The following FREM2 variants were observed in gnomAD, a reference collection of about 807,000 sequenced individuals.
FREM2 encodes FRAS1 related extracellular matrix 2.
In FREM2, 119 loss-of-function variants were observed where a neutral mutation model predicts 219.9. That is an observed-to-expected ratio of 0.54 (90% CI 0.47 to 0.63). The LOEUF (loss-of-function observed/expected upper bound fraction) is 0.63, where lower values mean the gene tolerates loss of function less well. Ranked by LOEUF, FREM2 falls within the 30% of genes least tolerant of loss-of-function variation. FREM2 has a pLI of 0.00. For synonymous variants in FREM2, 1,562 were observed against 1,522.8 expected, an observed-to-expected ratio of 1.03 and a Z score of -0.60; for missense variants, 4,030 against 3,993.6, an observed-to-expected ratio of 1.01 and a Z score of -0.25.
At chr13:38,698,848 G>A (rs575350573) in intron 2 of FREM2, among the ~76,000 whole-genome samples, 1 of 152,270 alleles carries the variant, frequency 6.6e-6, no homozygotes, top group Admixed American at 6.5e-5. Flanking sequence ...TGTTGAGTGT[G>A]TGCCAGAGAG....
At chr13:38,775,452 T>A (rs754580491) in intron 4 of FREM2, among the ~76,000 whole-genome samples, 15 of 152,226 alleles carry the variant, frequency 9.9e-5, no homozygotes, top group Non-Finnish European at 1.8e-4. Flanking sequence ...AAACAAAAAA[T>A]TTCAAACACT....
chr13:38,705,350 A>G (rs1279777813), intron 2 of FREM2, among the ~76,000 whole-genome samples: 1 of 152,204 alleles, frequency 6.6e-6, no homozygotes. Flanking sequence ...ATGGAGATGA[A>G]ATAGACTAGA....
Position 38,876,013 on chromosome 13 carries a change from C to T in FREM2, c.8282-9C>T, listed in dbSNP as rs371644607. On this transcript the variant is annotated splice_polypyrimidine_tract_variant and intron_variant, in intron 18 of 23. Transcript: ENST00000280481. ...TATATCATTATTATAATTACTGGCA[C>T]TTTCCTAGCATCCTTTACAAGCTCA... is the stretch of plus-strand genomic sequence containing the variant. 8 of 1,612,244 alleles carry T rather than the reference C, an allele frequency of 5.0e-6. No individual in the cohort carries two copies. Among genetic ancestry groups the T allele is most frequent in the African/African-American group, 4.0e-5 (3 of 74,856 alleles).
chr13:38,814,583 G>A (rs1327778507), intron 6 of FREM2, among the ~76,000 whole-genome samples: 3 of 152,126 alleles, frequency 2.0e-5, no homozygotes, highest in African/African-American at 7.2e-5. Flanking sequence ...CACCACTGTT[G>A]GAACTATGCT....
rs1464634487 is a variant in FREM2, at chr13:38,751,875, TG to T, written c.5264-12428del. On this transcript the variant is annotated intron_variant, in intron 2 of 23. Coordinates refer to ENST00000280481, the MANE Select transcript of FREM2 (RefSeq NM_207361.6). Reference sequence around the variant, plus strand: ...TTTTTGTACTTACTCTGTGTGTGTGTGTGTGTGTGTGTGTGTGTGTGTTTTC... The same window carrying T: ...TTTTTGTACTTACTCTGTGTGTGTGTTGTGTGTGTGTGTGTGTGTGTTTTC... 2.5e-4 allele frequency among the ~76,000 whole-genome samples: 37 copies of T among 149,970 alleles called. No individual in the cohort carries two copies. In the East Asian group the frequency reaches 7.3e-3, roughly 30 times the overall value.
At position 38,876,255 on chromosome 13, in the gene FREM2, A is replaced by T. The variant is rs372535694; in HGVS notation, c.8417A>T (p.Asp2806Val). The T allele has an allele frequency of 1.2e-6, 2 of 1,613,976 alleles. No individual in the cohort carries two copies. The highest frequency in any genetic ancestry group is 2.7e-5 in the African/African-American group (2 of 74,890). Reference sequence around the variant, plus strand: ...AATATCTTCTCCTCAAAGGTACGTGACTACTCAGGGACCTATACTGTGAAG... The same window carrying T: ...AATATCTTCTCCTCAAAGGTACGTGTCTACTCAGGGACCTATACTGTGAAG... ...WSFVSDFAVR[D>V]YSGTYTVKLV... Residue 2806 changes from aspartate to valine, a missense_variant, in exon 20 of 24, where the codon GAC (aspartate) becomes GTC (valine). This residue lies in a region of FREM2 where 928 missense variants were observed against 1,042.9 expected (regional missense o/e 0.89). Coordinates refer to ENST00000280481, the MANE Select transcript of FREM2 (RefSeq NM_207361.6).
chr13:38,867,885 T>A (rs1006114603), intron 16 of FREM2, among the ~76,000 whole-genome samples: 3 of 152,224 alleles, frequency 2.0e-5, no homozygotes, highest in African/African-American at 7.2e-5. Context: ...TTACATTGAG[T>A]GAGGATGGGT....
intron 3 of FREM2, 122 bp downstream of exon 3, chr13:38,764,572 TCTAA>T (rs1194036082): frequency 9.5e-6 from 6 of 632,356 alleles, no homozygotes; most frequent in African/African-American, 1.8e-5. Flanking sequence ...TTAAAAGTTC[TCTAA>T]CTGCTAAAGA....
chr13:38,696,678 G>A (rs969868205), intron 1 of FREM2, among the ~76,000 whole-genome samples: 8 of 152,218 alleles, frequency 5.3e-5, no homozygotes, highest in Admixed American at 5.2e-4. Context: ...CTGGTAAGAT[G>A]GATGAATAAG....
intron 3 of FREM2, among the ~76,000 whole-genome samples, chr13:38,767,021 G>A (rs1290993575): frequency 2.0e-5 from 3 of 152,220 alleles, no homozygotes; most frequent in African/African-American, 7.2e-5. Flanking sequence ...AGAGTACCAT[G>A]AGGTGAGGAA....
chr13:38,763,356 G>A lies in FREM2; in HGVS notation c.5264-948G>A, dbSNP rs542465324. On this transcript the variant is annotated intron_variant, in intron 2 of 23. Transcript: ENST00000280481. Reference sequence around the variant, plus strand: ...CCCTTGTGTAGATTTTTTTTTTGTCGTCTATTAAAGTTTTGAGATTTTCCT... The same window carrying A: ...CCCTTGTGTAGATTTTTTTTTTGTCATCTATTAAAGTTTTGAGATTTTCCT... Among the ~76,000 whole-genome samples the A allele has an allele frequency of 2.7e-4, 40 of 145,998 alleles. 1 individual carries two copies. In the South Asian group the frequency reaches 7.7e-3, roughly 28 times the overall value.
chr13:38,690,274 A>T lies in FREM2; in HGVS notation c.2930A>T (p.Asp977Val), dbSNP rs753520605. Residue 977 changes from aspartate (D) to valine (V), a missense_variant, in exon 1 of 24, where the codon GAT becomes GTT. Asp to Val is a radical substitution (Grantham distance 152). Around this residue, in one of 2 missense-constraint regions of FREM2, gnomAD observed 3,102 missense variants for 2,950.7 expected, o/e 1.05. Transcript: ENST00000280481. ...NVIKGTNEET[D>V]DLMLTFLLED... Reference sequence around the variant, plus strand: ...ATTAAGGGGACCAATGAGGAAACTGATGACTTGATGTTGACTTTCCTCTTG... The same window carrying T: ...ATTAAGGGGACCAATGAGGAAACTGTTGACTTGATGTTGACTTTCCTCTTG... 5.6e-5 allele frequency: 91 copies of T among 1,614,080 alleles called. No individual in the cohort carries two copies. Among genetic ancestry groups the T allele is most frequent in the Non-Finnish European group, 6.7e-5 (79 of 1,180,018 alleles).
Position 38,689,375 on chromosome 13 carries a change from C to T in FREM2, c.2031C>T (p.Asn677=). Reference sequence around the variant, plus strand: ...AGTTCACATTTAGAGTCCAGGATAACCATGACCCTCCTAATCAGTCCGGGC... The same window carrying T: ...AGTTCACATTTAGAGTCCAGGATAATCATGACCCTCCTAATCAGTCCGGGC... ...TDQFTFRVQD[N]HDPPNQSGLQ... Residue 677 remains asparagine, a synonymous_variant, in exon 1 of 24, where the codon AAC becomes AAT. Transcript: ENST00000280481. The T allele has an allele frequency of 1.2e-6, 2 of 1,614,074 alleles. No individual in the cohort carries two copies. Among genetic ancestry groups the T allele is most frequent in the Non-Finnish European group, 1.7e-6 (2 of 1,179,996 alleles).
chr13:38,796,362 C>T (rs1036436318), intron 6 of FREM2, among the ~76,000 whole-genome samples: 1 of 152,170 alleles, frequency 6.6e-6, no homozygotes, highest in African/African-American at 2.4e-5. Context: ...GGTATTGTGT[C>T]TTCATCCTAA....
rs79306379 is a variant in FREM2 at position 38,833,039 on chromosome 13, G to A, written c.6020-13534G>A. On this transcript the variant is annotated intron_variant, in intron 6 of 23. Coordinates refer to ENST00000280481, the MANE Select transcript of FREM2 (RefSeq NM_207361.6). Reference sequence around the variant, plus strand: ...GGGTGACAGAATGAGACTGTGTCTCGAAAAAAAAGCAAAAAAAAGTTAAGT... The same window carrying A: ...GGGTGACAGAATGAGACTGTGTCTCAAAAAAAAAGCAAAAAAAAGTTAAGT... 5.2e-3 allele frequency among the ~76,000 whole-genome samples: 791 copies of A among 151,162 alleles called. 31 individuals are homozygous for A. In the East Asian group the frequency reaches 0.1, roughly 20 times the overall value.
At chr13:38,783,923 T>C (rs556021410) in intron 5 of FREM2, among the ~76,000 whole-genome samples, 10 of 152,322 alleles carry the variant, frequency 6.6e-5, no homozygotes, top group Non-Finnish European at 1.2e-4. Context: ...GGTGAAACCC[T>C]GCCTCTACTA....
At chr13:38,847,762 G>T (rs961888081) in intron 7 of FREM2, among the ~76,000 whole-genome samples, 1 of 152,054 alleles carries the variant, frequency 6.6e-6, no homozygotes, top group African/African-American at 2.4e-5. Context: ...AAATATTATC[G>T]ATCTGTTGCC....
chr13:38,841,084 A>C (rs1876944708), intron 6 of FREM2, among the ~76,000 whole-genome samples: 1 of 152,082 alleles, frequency 6.6e-6, no homozygotes, highest in Admixed American at 6.6e-5. Flanking sequence ...CTTTGGGGAA[A>C]TCTCTTAATC....
chr13:38,689,652 G>A lies in FREM2; in HGVS notation c.2308G>A (p.Val770Met), dbSNP rs7327915. The A allele has an allele frequency of 0.013, 21,635 of 1,613,934 alleles. 679 individuals carry two copies. The highest frequency in any genetic ancestry group is 0.12 in the African/African-American group (9,114 of 74,948). The stretch of plus-strand genomic sequence containing the variant: ...GGTCTTGACTGACAACCCCTCAGTC[G>A]TGGTGACCCATTTTACCCAAGCCCA... ...TLVLTDNPSV[V>M]VTHFTQAQIN... is the part of the protein sequence containing the mutation. The change falls in exon 1 of 24, where the codon GTG becomes ATG. Residue 770 changes from valine to methionine, a missense_variant. By Grantham distance (21) the Val-to-Met change is conservative. This residue lies in a region of FREM2 where 3,102 missense variants were observed against 2,950.7 expected (regional missense o/e 1.05). Coordinates refer to ENST00000280481, the MANE Select transcript of FREM2 (RefSeq NM_207361.6).
Sources: allele counts gnomAD v4.1 joint callset (sites outside exome capture counted in the v4.1 genomes callset), GRCh38; gene constraint gnomAD v4.1.1; regional missense constraint gnomAD v4.1.1; transcripts MANE v1.5; gene names NCBI Gene and HGNC (gene_info 2026-07-23, HGNC 2026-07-21).